The following SFXN4 variants were observed in gnomAD, a reference collection of about 807,000 sequenced individuals.
SFXN4 encodes the protein sideroflexin 4.
Under a neutral mutation model 54.6 loss-of-function variants are expected in SFXN4, and 48 were observed. That is an observed-to-expected ratio of 0.88 (90% CI 0.70 to 1.12). The LOEUF (loss-of-function observed/expected upper bound fraction) is 1.12, where lower values mean the gene tolerates loss of function less well. Ranked by LOEUF, SFXN4 falls within the 50% of genes most tolerant of loss-of-function variation. The pLI, the probability that SFXN4 is intolerant of heterozygous loss-of-function variation, is 0.00. For synonymous variants in SFXN4, 130 were observed against 145.5 expected (o/e 0.89, Z 0.77); for missense variants, 383 against 409.2 (o/e 0.94, Z 0.55).
chr10:119,160,858 C>T (rs1328918400), intron 5 of SFXN4, 57 bp downstream of exon 5: 1 of 1,570,874 alleles, frequency 6.4e-7, no homozygotes, highest in Non-Finnish European at 8.8e-7. Context: ...GCAGAGTTTT[C>T]TAAGTGTTAG....
intron 11 of SFXN4, among the ~76,000 whole-genome samples, chr10:119,151,483 C>T (rs1847068001): frequency 6.6e-6 from 1 of 151,872 alleles, no homozygotes; most frequent in Non-Finnish European, 1.5e-5. Context: ...TACAACTGGA[C>T]TGTGGTGATG....
chr10:119,150,899 A>G (rs980892386), intron 11 of SFXN4, among the ~76,000 whole-genome samples: 1 of 152,192 alleles, frequency 6.6e-6, no homozygotes, highest in Non-Finnish European at 1.5e-5. Context: ...CAGAATAGAT[A>G]AGCAAAATGC....
Position 119,157,914 on chromosome 10 carries a change from G to A in SFXN4, c.428C>T (p.Ala143Val), listed in dbSNP as rs777375625. 1 of 1,614,210 alleles carries A rather than the reference G, an allele frequency of 6.2e-7. No individual in the cohort carries two copies. The highest frequency in any genetic ancestry group is 1.3e-5 in the African/African-American group (1 of 75,070). Residue 143 changes from alanine to valine, a missense_variant, in exon 8 of 14, where the codon GCC becomes GTC. Coordinates refer to ENST00000355697, the MANE Select transcript of SFXN4 (RefSeq NM_213649.2). The part of the protein sequence containing the change: ...SVILPQVFLC[A>V]YMAAFNSING... ...GATGCTGTTGAACGCTGCCATGTAG[G>A]CACAGAGGAAAACCTGCCGAGAGGG...
At chr10:119,142,613 C>T (rs192837445) in intron 13 of SFXN4, among the ~76,000 whole-genome samples, 5 of 147,656 alleles carry the variant, frequency 3.4e-5, no homozygotes, top group Admixed American at 6.8e-5. Flanking sequence ...TGCAGTGGCG[C>T]GACCTCGGCT....
At chr10:119,146,590 A>G (rs1415802392) in intron 12 of SFXN4, among the ~76,000 whole-genome samples, 7 of 151,588 alleles carry the variant, frequency 4.6e-5, no homozygotes, top group African/African-American at 1.7e-4. Context: ...TTTTCTTTTG[A>G]GAGAATCTTC....
At chr10:119,165,421 G>T in intron 1 of SFXN4, 116 bp downstream of exon 1, 7 of 1,342,226 alleles carry the variant, frequency 5.2e-6, no homozygotes, top group Non-Finnish European at 6.7e-6. Context: ...CCGAGAGGAG[G>T]AAACGGAGAC....
At chr10:119,165,374 G>A (rs867231238) in intron 1 of SFXN4, 163 bp downstream of exon 1, 6 of 1,321,902 alleles carry the variant, frequency 4.5e-6, no homozygotes, top group South Asian at 1.8e-5. Context: ...CGCGCCCTAA[G>A]GGGTGAAGGC....
rs1230955223 is a variant in SFXN4 at position 119,158,149 on chromosome 10, G to A, written c.361-87C>T. On this transcript the variant is annotated intron_variant, in intron 6 of 13. Coordinates refer to ENST00000355697, the MANE Select transcript of SFXN4 (RefSeq NM_213649.2). ...CAAAGAACTTTCCAGGGGAGAGGGAGAATTGAGCCCCCAAGGAGCTGGGGC... is the reference window on the plus strand; with the variant it reads ...CAAAGAACTTTCCAGGGGAGAGGGAAAATTGAGCCCCCAAGGAGCTGGGGC... 3 of 1,260,524 alleles carry A rather than the reference G, an allele frequency of 2.4e-6. No homozygotes were observed. The Admixed American group carries it at 5.1e-5, about 21-fold the overall frequency. The allele number at this position is 1,260,524 out of a possible 1,614,324, so 78.1% of individuals were successfully genotyped here. A position where few individuals can be genotyped will look rare whatever the true frequency, so the allele number is the denominator to read the frequency against.
At chr10:119,159,954 A>G (rs1847451516) in intron 5 of SFXN4, among the ~76,000 whole-genome samples, 1 of 152,036 alleles carries the variant, frequency 6.6e-6, no homozygotes, top group Non-Finnish European at 1.5e-5. Flanking sequence ...AGGCTGGAGG[A>G]TGGGTTGAGG....
intron 6 of SFXN4, 147 bp downstream of exon 6, chr10:119,159,581 C>T: frequency 1.2e-6 from 1 of 842,816 alleles, no homozygotes; most frequent in East Asian, 2.5e-5. Context: ...GAACAGCAGC[C>T]ATGGGTTATC....
At chr10:119,148,943 G>C (rs191932886) in intron 11 of SFXN4, among the ~76,000 whole-genome samples, 1 of 152,086 alleles carries the variant, frequency 6.6e-6, no homozygotes, top group Non-Finnish European at 1.5e-5. Context: ...CTGGAGTACA[G>C]TAGCGTGATC....
At chr10:119,160,061 C>T (rs1019532135) in intron 5 of SFXN4, among the ~76,000 whole-genome samples, 3 of 152,040 alleles carry the variant, frequency 2.0e-5, no homozygotes, top group Non-Finnish European at 2.9e-5. Flanking sequence ...ACCCTGTAGT[C>T]CCAGCTACTC....
At chr10:119,141,466 T>G (rs1304969804) in intron 13 of SFXN4, 147 bp from the exon 14 acceptor site, 4 of 11,100 alleles carry the variant, frequency 3.6e-4, no homozygotes, top group South Asian at 6.8e-4. Context: ...TGTAACCTAT[T>G]TTTTTTTTTA....
intron 2 of SFXN4, among the ~76,000 whole-genome samples, chr10:119,162,691 C>T (rs1286804369): frequency 1.3e-5 from 2 of 152,186 alleles, no homozygotes; most frequent in Non-Finnish European, 2.9e-5. Context: ...GAATGGTTAC[C>T]ACCATCCCCT....
chr10:119,150,150 T>C (rs1385172634), intron 11 of SFXN4, among the ~76,000 whole-genome samples: 1 of 75,860 alleles, frequency 1.3e-5, no homozygotes, highest in Admixed American at 1.3e-4. Context: ...AAAAAGACCT[T>C]TTTTTTTTTA....
intron 13 of SFXN4, among the ~76,000 whole-genome samples, chr10:119,144,313 T>C (rs565195428): frequency 1.4e-3 from 212 of 151,900 alleles, no homozygotes; most frequent in Middle Eastern, 3.4e-3. Context: ...AAAAATTAGC[T>C]GGGTGTGGTG....
intron 7 of SFXN4, 23 bp downstream of exon 7, chr10:119,157,986 C>G (rs1179723797): frequency 1.2e-6 from 2 of 1,614,122 alleles, no homozygotes; most frequent in Non-Finnish European, 8.5e-7. Context: ...ATTTAGTAAT[C>G]GTGAAACAGG....
At chr10:119,165,231 C>G (rs774501568) in intron 1 of SFXN4, 698 of 1,111,380 alleles carry the variant, frequency 6.3e-4, no homozygotes, top group Non-Finnish European at 7.4e-4. Flanking sequence ...TCTCCCCAAT[C>G]TGCTGCTCAG....
chr10:119,141,355 T>C, intron 13 of SFXN4, 36 bp from the exon 14 acceptor site: 1 of 1,346,428 alleles, frequency 7.4e-7, no homozygotes, highest in South Asian at 1.3e-5. Context: ...TTTCTATTAA[T>C]AGTTTTTCTT....
Sources: allele counts gnomAD v4.1 joint callset (sites outside exome capture counted in the v4.1 genomes callset), GRCh38; gene constraint gnomAD v4.1.1; transcripts MANE v1.5; gene names NCBI Gene and HGNC (gene_info 2026-07-23, HGNC 2026-07-21).